The following GNPTAB variants were observed in gnomAD, a reference collection of about 807,000 sequenced individuals.
GNPTAB encodes N-acetylglucosamine-1-phosphate transferase subunits alpha and beta.
GNPTAB carries 92 observed loss-of-function variants against 136.6 expected under a neutral mutation model. That is an observed-to-expected ratio of 0.67 (90% confidence interval 0.57 to 0.80). The LOEUF (loss-of-function observed/expected upper bound fraction) is 0.80, where lower values mean the gene tolerates loss of function less well. Among genes scored for constraint, GNPTAB ranks in the 30% least tolerant of loss-of-function variants. The pLI, the probability that GNPTAB is intolerant of heterozygous loss-of-function variation, is 0.00. For missense variants in GNPTAB, 1,343 were observed against 1,501.8 expected (o/e 0.89, Z 1.75); for synonymous variants, 512 against 535.1 (o/e 0.96, Z 0.60).
intron 15 of GNPTAB, 45 bp downstream of exon 15, chr12:101,761,082 T>C: frequency 7.1e-7 from 1 of 1,410,750 alleles, no homozygotes; most frequent in Non-Finnish European, 1.0e-6. Flanking sequence ...AGAATTAAAT[T>C]CTCATTTAAA....
intron 1 of GNPTAB, among the ~76,000 whole-genome samples, chr12:101,813,173 C>T (rs892148572): frequency 3.9e-5 from 6 of 152,128 alleles, no homozygotes; most frequent in African/African-American, 1.2e-4. Flanking sequence ...TTATGCAATC[C>T]GAAGGGAAAC....
chr12:101,801,539 CAAAAAAAAAAAA>C lies in GNPTAB; in HGVS notation c.118-4789_118-4778del, dbSNP rs36066248. ...TGGGTGACAGAAAGAGACCCTGTCT[CAAAAAAAAAAAA>C]AAAAAAAAAAAAAAAACTGGAAAAA... On this transcript the variant is annotated intron_variant, in intron 1 of 20. Transcript: ENST00000299314. 2.7e-3 allele frequency among the ~76,000 whole-genome samples: 116 copies of C among 42,598 alleles called. 2 individuals are homozygous for C. Among genetic ancestry groups the C allele is most frequent in the African/African-American group, 7.4e-3 (105 of 14,262 alleles). The allele number at this position is 42,598 out of a possible 152,430, so 27.9% of individuals were successfully genotyped here.
intron 18 of GNPTAB, among the ~76,000 whole-genome samples, chr12:101,754,447 A>G (rs61487075): frequency 0.016 from 2,375 of 152,274 alleles, 67 homozygotes; most frequent in African/African-American, 0.054. Context: ...ATTAAAAAAA[A>G]AAAATCAAAA....
At position 101,770,360 on chromosome 12, in the gene GNPTAB, G is replaced by A. The variant is rs549073030; in HGVS notation, c.1113+46C>T. On this transcript the variant is annotated intron_variant, in intron 9 of 20. Coordinates refer to ENST00000299314, the MANE Select transcript of GNPTAB (RefSeq NM_024312.5). ...GAAATCCCTGTACCACACTAAAAGA[G>A]CAGAATTAGAAATCACAGTCTTGTA... The A allele has an allele frequency of 3.7e-5, 54 of 1,456,102 alleles. 1 individual carries two copies. In the South Asian group the frequency reaches 5.8e-4, roughly 16 times the overall value. 90.2% of individuals were successfully genotyped at this position (1,456,102 alleles called of 1,614,324 possible). A position where few individuals can be genotyped will look rare whatever the true frequency, so the allele number is the denominator to read the frequency against.
intron 10 of GNPTAB, among the ~76,000 whole-genome samples, chr12:101,769,740 C>T (rs1044903201): frequency 1.3e-5 from 2 of 151,600 alleles, no homozygotes; most frequent in African/African-American, 4.8e-5. Context: ...CCCCCCACGG[C>T]CCCCCAACAC....
At chr12:101,808,556 G>T (rs2137171943) in intron 1 of GNPTAB, among the ~76,000 whole-genome samples, 1 of 151,986 alleles carries the variant, frequency 6.6e-6, no homozygotes, top group South Asian at 2.1e-4. Flanking sequence ...AAAAAAGAAA[G>T]AAAATCTAGG....
intron 7 of GNPTAB, among the ~76,000 whole-genome samples, chr12:101,777,000 G>A (rs968069063): frequency 3.9e-5 from 6 of 152,234 alleles, no homozygotes; most frequent in African/African-American, 9.6e-5. Flanking sequence ...CAACACATCC[G>A]AAACTGAGCT....
chr12:101,797,401 G>A (rs933917764), intron 1 of GNPTAB, among the ~76,000 whole-genome samples: 1 of 152,102 alleles, frequency 6.6e-6, no homozygotes, highest in Non-Finnish European at 1.5e-5. Flanking sequence ...GAGGAGGGTG[G>A]ATTCCCTGAG....
chr12:101,765,139 T>A lies in GNPTAB; in HGVS notation c.1778A>T (p.Asn593Ile), dbSNP rs188192351. 63 of 1,614,216 alleles carry A rather than the reference T, an allele frequency of 3.9e-5. No homozygotes were observed. In the Admixed American group the frequency reaches 1.0e-3, roughly 26 times the overall value. ...NPIIRHASIANKWKTIHLIMH... is the reference protein window; with the variant it reads ...NPIIRHASIAIKWKTIHLIMH... ...TATGAGGTGGATGGTTTTCCACTTGTTGGCAATAGAAGCATGTCGAATTAT... is the reference window on the plus strand; with the variant it reads ...TATGAGGTGGATGGTTTTCCACTTGATGGCAATAGAAGCATGTCGAATTAT... The change falls in exon 13 of 21, where the codon AAC becomes ATC. Residue 593 changes from asparagine to isoleucine, a missense_variant. Transcript: ENST00000299314.
At chr12:101,765,483 T>A (rs1282265897) in intron 12 of GNPTAB, 179 bp from the exon 13 acceptor site, 1 of 602,038 alleles carries the variant, frequency 1.7e-6, no homozygotes, top group African/African-American at 1.9e-5. Context: ...GTTCTAATTT[T>A]AGTATATGTG....
At chr12:101,792,513 T>C (rs1214319461) in intron 2 of GNPTAB, among the ~76,000 whole-genome samples, 1 of 152,214 alleles carries the variant, frequency 6.6e-6, no homozygotes, top group Non-Finnish European at 1.5e-5. Flanking sequence ...GATGATCCAA[T>C]TGTATACCCT....
At chr12:101,814,778 A>T (rs1870432369) in intron 1 of GNPTAB, among the ~76,000 whole-genome samples, 1 of 152,218 alleles carries the variant, frequency 6.6e-6, no homozygotes, top group Non-Finnish European at 1.5e-5. Flanking sequence ...CTATATTTTC[A>T]AAAATAAAAA....
intron 1 of GNPTAB, among the ~76,000 whole-genome samples, chr12:101,800,445 G>C (rs931762834): frequency 6.6e-6 from 1 of 151,762 alleles, no homozygotes; most frequent in East Asian, 1.9e-4. Context: ...GAGATCTTTT[G>C]GGTCCGCAAA....
intron 14 of GNPTAB, 64 bp downstream of exon 14, chr12:101,761,500 T>G (rs1258129154): frequency 1.3e-5 from 19 of 1,490,040 alleles, no homozygotes; most frequent in Non-Finnish European, 1.6e-5. Context: ...ATGGTAAATA[T>G]GCACATTTCA....
At chr12:101,810,963 A>G (rs1870198883) in intron 1 of GNPTAB, among the ~76,000 whole-genome samples, 1 of 152,138 alleles carries the variant, frequency 6.6e-6, no homozygotes, top group Non-Finnish European at 1.5e-5. Flanking sequence ...GAACAAAAAG[A>G]CGGTGACTGC....
intron 1 of GNPTAB, among the ~76,000 whole-genome samples, chr12:101,810,225 A>C (rs1391756102): frequency 1.3e-5 from 2 of 152,112 alleles, no homozygotes; most frequent in Non-Finnish European, 2.9e-5. Flanking sequence ...CAGCCTGGGC[A>C]ACAGAGCAAG....
chr12:101,830,334 A>G (rs1871302214), intron 1 of GNPTAB, among the ~76,000 whole-genome samples: 1 of 152,158 alleles, frequency 6.6e-6, no homozygotes, highest in Non-Finnish European at 1.5e-5. Context: ...GATAAAGAAT[A>G]CTGTATTTGG....
rs199994330 is a variant in GNPTAB at position 101,790,089 on chromosome 12, A to G, written c.204-32T>C. ...CAAACCAACAAATCCTCCAGCTTAA[A>G]TGCATTTTTCCAATATATTTGGTAA... On this transcript the variant is annotated intron_variant, in intron 2 of 20. Coordinates refer to ENST00000299314, the MANE Select transcript of GNPTAB (RefSeq NM_024312.5). The G allele has an allele frequency of 1.4e-5, 22 of 1,613,994 alleles. No individual in the cohort carries two copies. The East Asian group carries it at 3.3e-4, about 25-fold the overall frequency.
chr12:101,799,815 C>G (rs1869507388), intron 1 of GNPTAB, among the ~76,000 whole-genome samples: 1 of 146,318 alleles, frequency 6.8e-6, no homozygotes, highest in Non-Finnish European at 1.5e-5. Context: ...CTGAAGTGGT[C>G]TACCTGCCGC....
Sources: gnomAD v4.1 joint callset for allele counts (sites outside exome capture counted in the v4.1 genomes callset) on GRCh38, gnomAD v4.1.1 for gene constraint, MANE v1.5 for transcripts, NCBI Gene and HGNC (gene_info 2026-07-23, HGNC 2026-07-21) for gene names.